The following ATXN7L3 variants were observed in gnomAD, a reference collection of about 807,000 sequenced individuals.
ATXN7L3 encodes the protein ataxin 7 like 3, also known as ataxin-7-like protein 3.
ATXN7L3 carries 6 observed loss-of-function variants against 50.0 expected under a neutral mutation model. The observed-to-expected ratio is 0.12, with a 90% CI of 0.07 to 0.24. The LOEUF (loss-of-function observed/expected upper bound fraction) is 0.24. ATXN7L3 is among the 10% of genes least tolerant of loss of function. ATXN7L3 has a pLI of 1.00. For synonymous variants in ATXN7L3, 198 were observed against 165.8 expected, an observed-to-expected ratio of 1.19 and a Z score of -1.49; for missense variants, 322 against 451.3, an observed-to-expected ratio of 0.71 and a Z score of 2.60.
chr17:44,197,485 TC>T, intron 3 of ATXN7L3, 86 bp from the exon 4 acceptor site: 1 of 1,578,864 alleles, frequency 6.3e-7, no homozygotes, highest in Non-Finnish European at 8.6e-7. Flanking sequence ...CTTCAATCCC[TC>T]CCCCGGCTCA....
chr17:44,196,517 T>G lies in ATXN7L3; in HGVS notation c.455-99A>C, dbSNP rs1173891112. 6 of 1,496,970 alleles carry G rather than the reference T, an allele frequency of 4.0e-6. No individual in the cohort carries two copies. In the African/African-American group the frequency reaches 6.9e-5, roughly 17 times the overall value. 92.7% of individuals were successfully genotyped at this position (1,496,970 alleles called of 1,614,324 possible). On this transcript the variant is annotated intron_variant, in intron 5 of 12. Transcript: ENST00000587097. Reference sequence around the variant, plus strand: ...ACAACAGGCTGGGCACGGTGGCTCATGCCTGTAATCCCAGCACTTTGGGAG... The same window carrying G: ...ACAACAGGCTGGGCACGGTGGCTCAGGCCTGTAATCCCAGCACTTTGGGAG...
In ATXN7L3 at chr17:44,195,936, C is replaced by T. The variant is rs747422247; in HGVS notation, c.523+98G>A. ...GGGTGACAGAAGGATCACAGGCCCTCCCTCAATTCCCCTATCCCCGGGCCC... is the reference window on the plus strand; with the variant it reads ...GGGTGACAGAAGGATCACAGGCCCTTCCTCAATTCCCCTATCCCCGGGCCC... On this transcript the variant is annotated intron_variant, in intron 7 of 12. Transcript: ENST00000587097. 512 of 1,556,550 alleles carry T rather than the reference C, an allele frequency of 3.3e-4. 1 individual carries two copies. Among genetic ancestry groups the T allele is most frequent in the Non-Finnish European group, 4.4e-4 (500 of 1,139,696 alleles).
intron 6 of ATXN7L3, 153 bp from the exon 7 acceptor site, chr17:44,196,232 A>AGGCCCCC: frequency 3.5e-6 from 1 of 285,370 alleles, no homozygotes; most frequent in Non-Finnish European, 5.8e-6. Flanking sequence ...GCCCTCCCCC[A>AGGCCCCC]CCCCCCTTCC....
Position 44,197,518 on chromosome 17 carries a change from C to A in ATXN7L3, c.184+80G>T. The A allele has an allele frequency of 2.5e-6, 4 of 1,603,644 alleles. 1 individual carries two copies. The highest frequency in any genetic ancestry group is 3.4e-6 in the Non-Finnish European group (4 of 1,173,512). ...CTCACAGGAGCTCCAGGTGCTACAT[C>A]TAGCACAGTTTCCAGAGAAGGAAAC... On this transcript the variant is annotated intron_variant, in intron 3 of 12. Coordinates refer to ENST00000587097, the MANE Select transcript of ATXN7L3 (RefSeq NM_001382309.1).
chr17:44,198,602 T>C (rs2056013237), intron 1 of ATXN7L3: 1 of 153,498 alleles, frequency 6.5e-6, no homozygotes, highest in Non-Finnish European at 1.4e-5. Context: ...CTACCAGAAG[T>C]AGAAATGGCC....
intron 7 of ATXN7L3, 96 bp downstream of exon 7, chr17:44,195,938 C>A: frequency 6.4e-7 from 1 of 1,559,886 alleles, no homozygotes; most frequent in Non-Finnish European, 8.8e-7. Context: ...CAGGCCCTCC[C>A]TCAATTCCCC....
Position 44,198,099 on chromosome 17 carries a change from G to T in ATXN7L3, c.-29C>A. 2 of 1,611,986 alleles carry T rather than the reference G, an allele frequency of 1.2e-6. No individual in the cohort carries two copies. Among genetic ancestry groups the T allele is most frequent in the Non-Finnish European group, 1.7e-6 (2 of 1,178,292 alleles). Reference sequence around the variant, plus strand: ...TAAACTCTTGTGGAGACGGCGCTCTGACTGCTCATAGCACAGCGGGCGGCA... The same window carrying T: ...TAAACTCTTGTGGAGACGGCGCTCTTACTGCTCATAGCACAGCGGGCGGCA... On this transcript the variant is annotated 5_prime_UTR_variant, in exon 2 of 13. Coordinates refer to ENST00000587097, the MANE Select transcript of ATXN7L3 (RefSeq NM_001382309.1).
At position 44,194,748 on chromosome 17, in the gene ATXN7L3, C is replaced by T. The variant is rs774693921; in HGVS notation, c.737+20G>A. 2 of 1,613,916 alleles carry T rather than the reference C, an allele frequency of 1.2e-6. No individual in the cohort carries two copies. The highest frequency in any genetic ancestry group is 1.1e-5 in the South Asian group (1 of 91,064). On this transcript the variant is annotated intron_variant, in intron 11 of 12. Coordinates refer to ENST00000587097, the MANE Select transcript of ATXN7L3 (RefSeq NM_001382309.1). ...CCCTAACTGGTCACAACCCCCCACC[C>T]TTCCTGTAGGGCCACTTACGCCGAG...
Position 44,194,267 on chromosome 17 carries a change from T to A in ATXN7L3, c.1040A>T (p.Asn347Ile). 1 of 1,614,130 alleles carries A rather than the reference T, an allele frequency of 6.2e-7. No individual in the cohort carries two copies. Among genetic ancestry groups the A allele is most frequent in the Non-Finnish European group, 8.5e-7 (1 of 1,180,008 alleles). The stretch of plus-strand genomic sequence containing the variant: ...AGGCTATCCCTTGCACCCAAGTCAG[T>A]TGATGTCATCATAGATGCTGGGCGT... ...PPTPSIYDDIN is the reference protein window; with the variant it reads ...PPTPSIYDDII Residue 347 changes from asparagine to isoleucine, a missense_variant, in exon 13 of 13, where the codon AAC (asparagine) becomes ATC (isoleucine). Coordinates refer to ENST00000587097, the MANE Select transcript of ATXN7L3 (RefSeq NM_001382309.1).
intron 10 of ATXN7L3, 70 bp downstream of exon 10, chr17:44,195,027 G>A (rs2055832549): frequency 3.2e-6 from 5 of 1,574,140 alleles, no homozygotes; most frequent in Non-Finnish European, 4.4e-6. Flanking sequence ...AAGTCCAGGG[G>A]TACTCCCAAC....
In ATXN7L3 at chr17:44,199,781, C is replaced by T. The variant is rs2144501471; in HGVS notation, c.-346G>A. On this transcript the variant is annotated 5_prime_UTR_variant, in exon 1 of 13. Coordinates refer to ENST00000587097, the MANE Select transcript of ATXN7L3 (RefSeq NM_001382309.1). Reference sequence around the variant, plus strand: ...GCCGTCCGCGCGCCCCTCCCCCCGCCCCCCACTCCAGCCCGCCTCTCCCGG... The same window carrying T: ...GCCGTCCGCGCGCCCCTCCCCCCGCTCCCCACTCCAGCCCGCCTCTCCCGG... 1 of 148,332 alleles carries T rather than the reference C, an allele frequency of 6.7e-6. No homozygotes were observed. Among genetic ancestry groups the T allele is most frequent in the Admixed American group, 6.6e-5 (1 of 15,048 alleles). The allele number at this position is 148,332 out of a possible 1,614,324, so 9.2% of individuals were successfully genotyped here.
intron 6 of ATXN7L3, 121 bp from the exon 7 acceptor site, chr17:44,196,200 T>G (rs1598195960): frequency 7.7e-7 from 1 of 1,298,008 alleles, no homozygotes; most frequent in Non-Finnish European, 1.1e-6. Flanking sequence ...TCCTCCCCAG[T>G]AGGAGGCCTG....
chr17:44,195,822 A>T lies in ATXN7L3; in HGVS notation c.530T>A (p.Leu177His). 6.2e-7 allele frequency: 1 copy of T among 1,611,190 alleles called. No homozygotes were observed. Among genetic ancestry groups the T allele is most frequent in the Non-Finnish European group, 8.5e-7 (1 of 1,178,808 alleles). ...CACCTTAAAAGGATCCGAATTGCTAAGTTCCCCTGAAGAAGAAAAAAGAAG... is the reference window on the plus strand; with the variant it reads ...CACCTTAAAAGGATCCGAATTGCTATGTTCCCCTGAAGAAGAAAAAAGAAG... ...SKSLKHKNGE[L>H]SNSDPFKYNN... The change falls in exon 8 of 13, where the codon CTT becomes CAT. Residue 177 changes from leucine to histidine, a missense_variant. This residue lies in a region of ATXN7L3 where 95 missense variants were observed against 98.1 expected (regional missense o/e 0.97). Transcript: ENST00000587097.
Position 44,194,189 on chromosome 17 carries a change from G to T in ATXN7L3, c.*74C>A. Reference sequence around the variant, plus strand: ...CCCAACCCCCAGCAGCCGTCCATTTGCCAGGCTATGCCACCTGGGTGGGGG... The same window carrying T: ...CCCAACCCCCAGCAGCCGTCCATTTTCCAGGCTATGCCACCTGGGTGGGGG... On this transcript the variant is annotated 3_prime_UTR_variant, in exon 13 of 13. Transcript: ENST00000587097. The T allele has an allele frequency of 6.5e-7, 1 of 1,544,900 alleles. No individual in the cohort carries two copies. The highest frequency in any genetic ancestry group is 1.2e-5 in the South Asian group (1 of 81,852).
rs370228046 is a variant in ATXN7L3, at chr17:44,196,905, G to A, written c.454+24C>T. On this transcript the variant is annotated intron_variant, in intron 5 of 12. Coordinates refer to ENST00000587097, the MANE Select transcript of ATXN7L3 (RefSeq NM_001382309.1). Reference sequence around the variant, plus strand: ...TTCCCACCTCATCCCAATGCCCCCCGGGTTTCCCCAGATCCCCAAGCACCT... The same window carrying A: ...TTCCCACCTCATCCCAATGCCCCCCAGGTTTCCCCAGATCCCCAAGCACCT... The A allele has an allele frequency of 1.0e-4, 158 of 1,574,686 alleles. 1 individual carries two copies. Among genetic ancestry groups the A allele is most frequent in the African/African-American group, 2.7e-4 (20 of 73,836 alleles).
Position 44,192,578 on chromosome 17 carries a change from A to C in ATXN7L3, c.*1685T>G, listed in dbSNP as rs2055732504. On this transcript the variant is annotated 3_prime_UTR_variant, in exon 13 of 13. Transcript: ENST00000587097. ...CCCTCTGGCCTCCTCTCGGAGGGAG[A>C]CTACGGAGGGCCAAGAATAGAGAAG... 1 of 151,998 alleles carries C rather than the reference A, an allele frequency of 6.6e-6. No individual in the cohort carries two copies. The highest frequency in any genetic ancestry group is 2.4e-5 in the African/African-American group (1 of 41,362). The allele number at this position is 151,998 out of a possible 1,614,324, so 9.4% of individuals were successfully genotyped here.
At chr17:44,195,759 C>G in intron 8 of ATXN7L3, 41 bp downstream of exon 8, 2 of 1,567,504 alleles carry the variant, frequency 1.3e-6, no homozygotes, top group Non-Finnish European at 1.8e-6. Context: ...ACCTCACAAC[C>G]AGGACAATGA....
chr17:44,196,963 A>G lies in ATXN7L3; in HGVS notation c.420T>C (p.Asn140=). 1.2e-6 allele frequency: 2 copies of G among 1,612,758 alleles called. No individual in the cohort carries two copies. Among genetic ancestry groups the G allele is most frequent in the Non-Finnish European group, 1.7e-6 (2 of 1,179,346 alleles). ...CCGAGCCATAGGACCAGTCGTTGTC[A>G]TTGATGTCATCATTATCTTCTTGGT... ...ESDQEDNDDI[N]DNDWSYGSEK... Residue 140 remains asparagine (N), a synonymous_variant, in exon 5 of 13, where the codon AAT becomes AAC. Coordinates refer to ENST00000587097, the MANE Select transcript of ATXN7L3 (RefSeq NM_001382309.1).
Position 44,193,293 on chromosome 17 carries a change from G to A in ATXN7L3, c.*970C>T, listed in dbSNP as rs556568577. On this transcript the variant is annotated 3_prime_UTR_variant, in exon 13 of 13. Transcript: ENST00000587097. ...GAACTGAAGCCAGTCAAGGTGAAGG[G>A]GGTGGAAGCAGCAGTTGGGAACCTG... 1 of 152,766 alleles carries A rather than the reference G, an allele frequency of 6.5e-6. No individual in the cohort carries two copies. The highest frequency in any genetic ancestry group is 1.9e-4 in the East Asian group (1 of 5,188). The allele number at this position is 152,766 out of a possible 1,614,324, so 9.5% of individuals were successfully genotyped here.
Sources: allele counts gnomAD v4.1 joint callset, GRCh38; gene constraint gnomAD v4.1.1; regional missense constraint gnomAD v4.1.1; transcripts MANE v1.5; gene names NCBI Gene and HGNC (gene_info 2026-07-23, HGNC 2026-07-21).